Variants in N4BP2L2 observed in about 807,000 individuals in gnomAD.
N4BP2L2 encodes NEDD4-binding protein 2-like 2.
In N4BP2L2, 50 loss-of-function variants were observed where a neutral mutation model predicts 56.2. The ratio of observed to expected loss-of-function variants is 0.89; its 90% CI spans 0.71 to 1.13. The LOEUF is 1.13. Ranked by LOEUF, N4BP2L2 falls within the 50% of genes most tolerant of loss-of-function variation. The pLI is 0.00. For synonymous variants in N4BP2L2, 203 were observed against 223.6 expected (o/e 0.91, Z 0.82); for missense variants, 689 against 693.8 (o/e 0.99, Z 0.08).
intron 3 of N4BP2L2, chr13:32,527,042 G>A (rs931523409): frequency 6.4e-6 from 1 of 157,124 alleles, no homozygotes; most frequent in African/African-American, 2.4e-5. Flanking sequence ...ATTATTCTCG[G>A]GGAAATAACT....
At chr13:32,488,160 A>T (rs1352047904) in intron 6 of N4BP2L2, among the ~76,000 whole-genome samples, 1 of 152,208 alleles carries the variant, frequency 6.6e-6, no homozygotes, top group Non-Finnish European at 1.5e-5. Context: ...GTACCATTAT[A>T]CTATACAGCT....
chr13:32,488,937 G>A (rs1478556262), intron 6 of N4BP2L2, among the ~76,000 whole-genome samples: 1 of 152,104 alleles, frequency 6.6e-6, no homozygotes, highest in Non-Finnish European at 1.5e-5. Context: ...TAAACTCATG[G>A]TGGCACACAC....
At chr13:32,537,129 G>T in intron 1 of N4BP2L2, 102 bp from the exon 2 acceptor site, 1 of 856,414 alleles carries the variant, frequency 1.2e-6, no homozygotes, top group Non-Finnish European at 1.6e-6. Context: ...TTAAATTTGT[G>T]ATATATTTAA....
intron 2 of N4BP2L2, among the ~76,000 whole-genome samples, chr13:32,530,726 A>AT (rs1319059633): frequency 6.6e-6 from 1 of 152,088 alleles, no homozygotes; most frequent in Non-Finnish European, 1.5e-5. Context: ...GAGAACTAAG[A>AT]TAAAGCACCT....
chr13:32,455,778 C>T (rs1447536731), intron 6 of N4BP2L2, among the ~76,000 whole-genome samples: 1 of 152,058 alleles, frequency 6.6e-6, no homozygotes, highest in East Asian at 1.9e-4. Flanking sequence ...CCACCACTGG[C>T]GGGATCTCCG....
Position 32,492,903 on chromosome 13 carries a change from T to G in N4BP2L2, c.365+24954A>C, listed in dbSNP as rs921268718. Among the ~76,000 whole-genome samples the G allele has an allele frequency of 2.7e-5, 4 of 149,316 alleles. No individual in the cohort carries two copies. In the East Asian group the frequency reaches 5.9e-4, roughly 22 times the overall value. On this transcript the variant is annotated intron_variant, in intron 6 of 9. Coordinates refer to the N4BP2L2 transcript ENST00000357505. ...GAAAACAACAAAATGTGTGAATGTT[T>G]TGTAGCTTTTCTGTTTTTTTTTTTT...
chr13:32,441,435 G>A (rs1354203025), intron 7 of N4BP2L2, among the ~76,000 whole-genome samples: 1 of 152,146 alleles, frequency 6.6e-6, no homozygotes, highest in African/African-American at 2.4e-5. Context: ...TGTAATCCCA[G>A]CACTTTGGGA....
chr13:32,462,213 T>G (rs982851521), intron 6 of N4BP2L2, among the ~76,000 whole-genome samples: 3 of 152,056 alleles, frequency 2.0e-5, no homozygotes, highest in African/African-American at 7.2e-5. Flanking sequence ...AATGGATGGG[T>G]GGATACAGAA....
chr13:32,515,237 G>C (rs2048959407), exon 6 of N4BP2L2: 1 of 151,938 alleles, frequency 6.6e-6, no homozygotes, highest in Admixed American at 6.6e-5. Context: ...TACAAGACCA[G>C]TTTGGGAAAC....
intron 6 of N4BP2L2, among the ~76,000 whole-genome samples, chr13:32,483,232 G>C (rs961636331): frequency 6.6e-6 from 1 of 152,112 alleles, no homozygotes; most frequent in African/African-American, 2.4e-5. Context: ...AGTACTGTGG[G>C]AAAATGTAGA....
chr13:32,467,421 C>A (rs1017352782), intron 6 of N4BP2L2, among the ~76,000 whole-genome samples: 1 of 151,772 alleles, frequency 6.6e-6, no homozygotes, highest in African/African-American at 2.4e-5. Context: ...CCATGCCCAG[C>A]TAATTTTTGT....
chr13:32,508,751 A>G (rs2091335811), downstream of N4BP2L2: 1 of 152,208 alleles, frequency 6.6e-6, no homozygotes, highest in African/African-American at 2.4e-5. Context: ...ATATGTGAAA[A>G]AAGATGCAAG....
intron 6 of N4BP2L2, among the ~76,000 whole-genome samples, chr13:32,465,521 C>CA (rs1480396767): frequency 5.3e-5 from 8 of 151,372 alleles, no homozygotes; most frequent in Admixed American, 5.2e-4. Flanking sequence ...TCAATACACA[C>CA]AGTCATACAC....
chr13:32,523,777 G>A (rs2051786122), intron 3 of N4BP2L2: 1 of 152,066 alleles, frequency 6.6e-6, no homozygotes, highest in African/African-American at 2.4e-5. Flanking sequence ...GGATCCAAAG[G>A]CATAAGAATG....
intron 2 of N4BP2L2, among the ~76,000 whole-genome samples, chr13:32,532,275 AT>A (rs2055042352): frequency 6.6e-6 from 1 of 152,192 alleles, no homozygotes; most frequent in African/African-American, 2.4e-5. Flanking sequence ...AATTTCTTAA[AT>A]TCCCTCACTT....
intron 6 of N4BP2L2, among the ~76,000 whole-genome samples, chr13:32,461,794 A>G (rs989798792): frequency 7.9e-5 from 12 of 152,008 alleles, no homozygotes; most frequent in African/African-American, 2.2e-4. Flanking sequence ...GTAGAGGCAG[A>G]GTCTCACTAT....
At chr13:32,436,222 G>T (rs2075456720) in intron 9 of N4BP2L2, 2 of 421,684 alleles carry the variant, frequency 4.7e-6, no homozygotes, top group African/African-American at 4.2e-5. Flanking sequence ...AGCACACAAG[G>T]TTGCTATGGT....
intron 6 of N4BP2L2, among the ~76,000 whole-genome samples, chr13:32,451,584 C>T (rs1001326652): frequency 6.6e-6 from 1 of 151,948 alleles, no homozygotes; most frequent in African/African-American, 2.4e-5. Context: ...CTCTGTTGCC[C>T]AGGCTGGAGT....
chr13:32,514,556 C>T (rs1040332419), exon 6 of N4BP2L2: 1 of 152,060 alleles, frequency 6.6e-6, no homozygotes, highest in Non-Finnish European at 1.5e-5. Context: ...GCCTGTAATC[C>T]CAGCTACCAG....
Sources: gnomAD v4.1 joint callset for allele counts (sites outside exome capture counted in the v4.1 genomes callset) on GRCh38, gnomAD v4.1.1 for gene constraint, MANE v1.5 for transcripts, NCBI Gene and HGNC (gene_info 2026-07-23, HGNC 2026-07-21) for gene names.